The following OR5H1 variants were observed in gnomAD, a reference collection of about 807,000 sequenced individuals.
OR5H1 encodes the protein olfactory receptor 5H1.
For synonymous variants in OR5H1, 124 were observed against 134.4 expected (o/e 0.92, Z 0.54); for missense variants, 378 against 366.8 (o/e 1.03, Z -0.25).
Position 98,133,796 on chromosome 3 carries a change from A to G in OR5H1, c.*157A>G. ...AATAAACTAATCGCAATATGTCTAT[A>G]TGTTATTCAAAAGCATTCAAGAAAT... On this transcript the variant is annotated 3_prime_UTR_variant, in exon 2 of 2. Coordinates refer to ENST00000641874, the MANE Select transcript of OR5H1 (RefSeq NM_001005338.2). 3.3e-6 allele frequency: 2 copies of G among 597,864 alleles called. No individual in the cohort carries two copies. Among genetic ancestry groups the G allele is most frequent in the Admixed American group, 6.2e-5 (2 of 32,444 alleles). The allele number at this position is 597,864 out of a possible 1,614,324, so 37.0% of individuals were successfully genotyped here.
intron 1 of OR5H1, 110 bp downstream of exon 1, chr3:98,130,960 G>A (rs1012920523): frequency 6.6e-6 from 1 of 151,982 alleles, no homozygotes; most frequent in Non-Finnish European, 1.5e-5. Flanking sequence ...ATAATAGAAA[G>A]TCAGAAACTG....
At chr3:98,131,563 C>T (rs138384879) in intron 1 of OR5H1, among the ~76,000 whole-genome samples, 1 of 152,030 alleles carries the variant, frequency 6.6e-6, no homozygotes, top group East Asian at 1.9e-4. Context: ...CACACCTTGG[C>T]CATTTACAGG....
At position 98,134,566 on chromosome 3, in the gene OR5H1, G is replaced by A. The variant is rs1576097770; in HGVS notation, c.*927G>A. On this transcript the variant is annotated 3_prime_UTR_variant, in exon 2 of 2. Transcript: ENST00000641874. ...AGTTCAAATAATGTTAACATGATAC[G>A]ACATCATGGTGCCCAGCAAGAGGAA... 2 of 152,140 alleles carry A rather than the reference G, an allele frequency of 1.3e-5. No individual in the cohort carries two copies. Among genetic ancestry groups the A allele is most frequent in the Admixed American group, 6.6e-5 (1 of 15,262 alleles). 9.4% of individuals were successfully genotyped at this position (152,140 alleles called of 1,614,324 possible).
chr3:98,131,070 GT>G (rs955885258), intron 1 of OR5H1, among the ~76,000 whole-genome samples: 8 of 151,978 alleles, frequency 5.3e-5, no homozygotes, highest in Admixed American at 4.6e-4. Context: ...TTGCTATTTT[GT>G]TAATCTTATT....
At position 98,133,696 on chromosome 3, in the gene OR5H1, T is replaced by C. The variant is rs528866480; in HGVS notation, c.*57T>C. ...AAATTATGCAAGTTAGAGGTACCTATGTTGTTTCCAGTGTTCAAACATTTT... is the reference window on the plus strand; with the variant it reads ...AAATTATGCAAGTTAGAGGTACCTACGTTGTTTCCAGTGTTCAAACATTTT... On this transcript the variant is annotated 3_prime_UTR_variant, in exon 2 of 2. Coordinates refer to ENST00000641874, the MANE Select transcript of OR5H1 (RefSeq NM_001005338.2). 13 of 1,415,838 alleles carry C rather than the reference T, an allele frequency of 9.2e-6. No homozygotes were observed. The South Asian group carries it at 9.7e-5, about 11-fold the overall frequency. The allele number at this position is 1,415,838 out of a possible 1,614,324, so 87.7% of individuals were successfully genotyped here.
Position 98,133,480 on chromosome 3 carries a change from C to T in OR5H1, c.783C>T (p.Gly261=), listed in dbSNP as rs566338612. Residue 261 remains glycine, a synonymous_variant, in exon 2 of 2, where the codon GGC becomes GGT. Coordinates refer to ENST00000641874, the MANE Select transcript of OR5H1 (RefSeq NM_001005338.2). ...GACCCCTTCTCTTCATTTATGTGGGCCCTGCATCTCCGCAAGCAGATGATC... is the reference window on the plus strand; with the variant it reads ...GACCCCTTCTCTTCATTTATGTGGGTCCTGCATCTCCGCAAGCAGATGATC... The part of the protein sequence containing the change: ...YYGPLLFIYV[G]PASPQADDQD... 1.2e-6 allele frequency: 2 copies of T among 1,613,508 alleles called. No individual in the cohort carries two copies. Among genetic ancestry groups the T allele is most frequent in the East Asian group, 2.2e-5 (1 of 44,852 alleles).
intron 1 of OR5H1, among the ~76,000 whole-genome samples, chr3:98,132,363 AT>A (rs1343316124): frequency 6.6e-6 from 1 of 152,064 alleles, no homozygotes; most frequent in Non-Finnish European, 1.5e-5. Context: ...CCGTACAAAA[AT>A]CTTTCCTGTT....
At position 98,135,680 on chromosome 3, in the gene OR5H1, T is replaced by C. The variant is rs182569904; in HGVS notation, c.*2041T>C. The C allele has an allele frequency of 2.6e-5, 4 of 152,246 alleles. No homozygotes were observed. In the East Asian group the frequency reaches 5.8e-4, roughly 22 times the overall value. 9.4% of individuals were successfully genotyped at this position (152,246 alleles called of 1,614,324 possible). A position where few individuals can be genotyped will look rare whatever the true frequency, so the allele number is the denominator to read the frequency against. ...GAGAGAATACAACACACCAAGAAGA[T>C]GACAATGACTATCACAAACATAGTA... On this transcript the variant is annotated 3_prime_UTR_variant, in exon 2 of 2. Transcript: ENST00000641874.
rs756048849 is a variant in OR5H1 at position 98,133,381 on chromosome 3, G to T, written c.684G>T (p.Lys228Asn). The change falls in exon 2 of 2, where the codon AAG (lysine) becomes AAT (asparagine). Residue 228 changes from lysine (K) to asparagine (N), a missense_variant. Lys to Asn is a moderately conservative substitution (Grantham distance 94). Transcript: ENST00000641874. The stretch of plus-strand genomic sequence containing the variant: ...TTGTTCTCTTCGCAATCTTAAAAAA[G>T]AAATCTGATAAAGGTGTAAGGAAAG... ...YTFVLFAILK[K>N]KSDKGVRKAF... The T allele has an allele frequency of 1.2e-5, 19 of 1,612,964 alleles. No individual in the cohort carries two copies. Among genetic ancestry groups the T allele is most frequent in the Non-Finnish European group, 1.6e-5 (19 of 1,179,580 alleles).
In OR5H1 at chr3:98,135,845, A is replaced by C. The variant is rs1708312643; in HGVS notation, c.*2206A>C. 6.6e-6 allele frequency: 1 copy of C among 152,252 alleles called. No individual in the cohort carries two copies. The highest frequency in any genetic ancestry group is 2.1e-4 in the South Asian group (1 of 4,836). 9.4% of individuals were successfully genotyped at this position (152,252 alleles called of 1,614,324 possible). A position where few individuals can be genotyped will look rare whatever the true frequency, so the allele number is the denominator to read the frequency against. ...GTGAGCCAGAGGGCAGTTAGTTGAGAAGACTTTTAGATTTAAGCTCAAAGC... is the reference window on the plus strand; with the variant it reads ...GTGAGCCAGAGGGCAGTTAGTTGAGCAGACTTTTAGATTTAAGCTCAAAGC... On this transcript the variant is annotated 3_prime_UTR_variant, in exon 2 of 2. Coordinates refer to ENST00000641874, the MANE Select transcript of OR5H1 (RefSeq NM_001005338.2).
intron 1 of OR5H1, among the ~76,000 whole-genome samples, chr3:98,132,368 TC>T (rs752171909): frequency 1.2e-4 from 19 of 152,100 alleles, no homozygotes; most frequent in Admixed American, 5.2e-4. Flanking sequence ...CAAAAATCTT[TC>T]CTGTTGACAT....
Position 98,133,716 on chromosome 3 carries a change from C to G in OR5H1, c.*77C>G. 3.2e-6 allele frequency: 4 copies of G among 1,249,354 alleles called. No homozygotes were observed. The South Asian group carries it at 5.2e-5, about 16-fold the overall frequency. The allele number at this position is 1,249,354 out of a possible 1,614,324, so 77.4% of individuals were successfully genotyped here. On this transcript the variant is annotated 3_prime_UTR_variant, in exon 2 of 2. Coordinates refer to ENST00000641874, the MANE Select transcript of OR5H1 (RefSeq NM_001005338.2). ...ACCTATGTTGTTTCCAGTGTTCAAA[C>G]ATTTTTGCAAGTACAACTGTTCTAG... is the stretch of plus-strand genomic sequence containing the variant.
Position 98,133,617 on chromosome 3 carries a change from A to C in OR5H1, c.920A>C (p.Lys307Thr). Residue 307 changes from lysine to threonine, a missense_variant, in exon 2 of 2, where the codon AAA becomes ACA. Physicochemically the swap from Lys to Thr is moderately conservative, Grantham distance 78. Coordinates refer to ENST00000641874, the MANE Select transcript of OR5H1 (RefSeq NM_001005338.2). Reference sequence around the variant, plus strand: ...GTTTCATTCACAAAAATGTTAAAAAAACATGTTAAGGTTTCATACTAATAT... The same window carrying C: ...GTTTCATTCACAAAAATGTTAAAAACACATGTTAAGGTTTCATACTAATAT... ...VTVSFTKMLK[K>T]HVKVSY The C allele has an allele frequency of 6.2e-7, 1 of 1,605,054 alleles. No individual in the cohort carries two copies. The highest frequency in any genetic ancestry group is 1.1e-5 in the South Asian group (1 of 89,348).
In OR5H1 at chr3:98,130,842, A is replaced by T. The variant is rs1288408369; in HGVS notation, c.-27A>T. ...TTAAAGGATATCCACAATTTCCTTC[A>T]ATATATGGGTAAGGAAGAAATAACT... On this transcript the variant is annotated 5_prime_UTR_variant, in exon 1 of 2. Transcript: ENST00000641874. 1 of 152,138 alleles carries T rather than the reference A, an allele frequency of 6.6e-6. No individual in the cohort carries two copies. Among genetic ancestry groups the T allele is most frequent in the Non-Finnish European group, 1.5e-5 (1 of 68,000 alleles). The allele number at this position is 152,138 out of a possible 1,614,324, so 9.4% of individuals were successfully genotyped here. A position where few individuals can be genotyped will look rare whatever the true frequency, so the allele number is the denominator to read the frequency against.
At position 98,133,523 on chromosome 3, in the gene OR5H1, C is replaced by A. The variant is rs1245980927; in HGVS notation, c.826C>A (p.Leu276Ile). Residue 276 changes from leucine to isoleucine, a missense_variant, in exon 2 of 2, where the codon CTA (leucine) becomes ATA (isoleucine). Leu to Ile is a conservative substitution (Grantham distance 5, BLOSUM62 2). Coordinates refer to ENST00000641874, the MANE Select transcript of OR5H1 (RefSeq NM_001005338.2). Reference protein sequence around the residue: ...QADDQDMVEPLFYTVIIPLLN... With the variant: ...QADDQDMVEPIFYTVIIPLLN... ...AGATGATCAAGATATGGTGGAGCCT[C>A]TATTCTACACTGTCATCATTCCTTT... 3 of 1,613,200 alleles carry A rather than the reference C, an allele frequency of 1.9e-6. No homozygotes were observed. In the African/African-American group the frequency reaches 4.0e-5, roughly 22 times the overall value.
chr3:98,131,629 C>A (rs1416142712), intron 1 of OR5H1, among the ~76,000 whole-genome samples: 1 of 151,982 alleles, frequency 6.6e-6, no homozygotes, highest in African/African-American at 2.4e-5. Context: ...GATTTTCTTG[C>A]CATTCCTTTT....
Position 98,130,800 on chromosome 3 carries a change from T to C in OR5H1, c.-69T>C, listed in dbSNP as rs1259693626. The C allele has an allele frequency of 6.6e-6, 1 of 152,206 alleles. No individual in the cohort carries two copies. Among genetic ancestry groups the C allele is most frequent in the Non-Finnish European group, 1.5e-5 (1 of 68,028 alleles). 9.4% of individuals were successfully genotyped at this position (152,206 alleles called of 1,614,324 possible). A position where few individuals can be genotyped will look rare whatever the true frequency, so the allele number is the denominator to read the frequency against. ...CTGTGCTACTGTATGTATTTTTGTT[T>C]AGAAAGCACAACGTGTTTAAAGGAT... On this transcript the variant is annotated 5_prime_UTR_variant, in exon 1 of 2. Coordinates refer to ENST00000641874, the MANE Select transcript of OR5H1 (RefSeq NM_001005338.2).
chr3:98,131,975 A>G (rs576839901), intron 1 of OR5H1, among the ~76,000 whole-genome samples: 3 of 152,146 alleles, frequency 2.0e-5, no homozygotes, highest in African/African-American at 7.2e-5. Flanking sequence ...TTTCAATGTC[A>G]TATCACACCA....
At chr3:98,131,413 G>A (rs1026587704) in intron 1 of OR5H1, among the ~76,000 whole-genome samples, 2 of 151,374 alleles carry the variant, frequency 1.3e-5, no homozygotes, top group Admixed American at 6.6e-5. Flanking sequence ...TCCAAATGTA[G>A]GATCAGTGTA....
Sources: allele counts gnomAD v4.1 joint callset (sites outside exome capture counted in the v4.1 genomes callset), GRCh38; gene constraint gnomAD v4.1.1; transcripts MANE v1.5; gene names NCBI Gene and HGNC (gene_info 2026-07-23, HGNC 2026-07-21).